ABCG1: variants seen among roughly 807,000 people sequenced by gnomAD.
ABCG1 encodes ATP-binding cassette sub-family G member 1.
A neutral mutation model predicts 69.2 loss-of-function variants in ABCG1; 29 were observed. That is an observed-to-expected ratio of 0.42 (90% CI 0.31 to 0.57). The LOEUF (loss-of-function observed/expected upper bound fraction) is 0.57. Ranked by LOEUF, ABCG1 falls within the 20% of genes least tolerant of loss-of-function variation. ABCG1 has a pLI of 0.15. For missense variants in ABCG1, 718 were observed against 898.1 expected (o/e 0.80, Z 2.56); for synonymous variants, 370 against 374.8 (o/e 0.99, Z 0.15).
Position 42,291,638 on chromosome 21 carries a change from C to G in ABCG1, c.1635C>G (p.Ala545=). 6.2e-7 allele frequency: 1 copy of G among 1,604,332 alleles called. No homozygotes were observed. Among genetic ancestry groups the G allele is most frequent in the Non-Finnish European group, 8.5e-7 (1 of 1,179,386 alleles). The stretch of plus-strand genomic sequence containing the variant: ...AGTCCCTGGGCCTGCTGATCGGAGC[C>G]GCCTCCACGTCCCTGCAGGTGCCAG... The part of the protein sequence containing the change: ...VAQSLGLLIG[A]ASTSLQVATF... Residue 545 remains alanine, a synonymous_variant, in exon 13 of 15, where the codon GCC becomes GCG. Transcript: ENST00000398449. The surrounding 1 kb of genome is among the most constrained non-coding windows in gnomAD (Gnocchi z 6.4).
chr21:42,288,169 C>T lies in ABCG1; in HGVS notation c.1123-42C>T, dbSNP rs199911169. 257 of 1,611,450 alleles carry T rather than the reference C, an allele frequency of 1.6e-4. No homozygotes were observed. In the African/African-American group the frequency reaches 3.0e-3, roughly 19 times the overall value. On this transcript the variant is annotated intron_variant, in intron 9 of 14. Coordinates refer to ENST00000398449, the MANE Select transcript of ABCG1 (RefSeq NM_016818.3). This position sits in a 1 kb window ranked among gnomAD's most constrained non-coding sequence, Gnocchi z 4.8. Reference sequence around the variant, plus strand: ...TCCGAGCAAGAAGGAGCCGTGGCTCCGGACTGGCTTTCACCCGCTCCCCTC... The same window carrying T: ...TCCGAGCAAGAAGGAGCCGTGGCTCTGGACTGGCTTTCACCCGCTCCCCTC...
chr21:42,293,943 C>T (rs940322766), intron 13 of ABCG1, among the ~76,000 whole-genome samples: 14 of 148,100 alleles, frequency 9.5e-5, no homozygotes, highest in South Asian at 8.6e-4. Flanking sequence ...CAGCAGACAC[C>T]GCCCACACCA....
intron 2 of ABCG1, among the ~76,000 whole-genome samples, chr21:42,249,245 G>A (rs2068182615): frequency 6.6e-6 from 1 of 152,060 alleles, no homozygotes; most frequent in African/African-American, 2.4e-5. Flanking sequence ...CCTGGGGTGT[G>A]TTGCTGAGAT....
upstream of ABCG1, among the ~76,000 whole-genome samples, chr21:42,211,836 C>A (rs1489830078): frequency 6.6e-6 from 1 of 152,012 alleles, no homozygotes; most frequent in East Asian, 1.9e-4. Context: ...CTGCAGTGGG[C>A]CGAGATTGTG....
intron 2 of ABCG1, among the ~76,000 whole-genome samples, chr21:42,236,200 C>T (rs866286306): frequency 5.3e-5 from 8 of 152,306 alleles, no homozygotes; most frequent in South Asian, 2.1e-4. Flanking sequence ...GGCTGGAATC[C>T]GGAGATCATG....
chr21:42,219,105 C>A (rs894494259), upstream of ABCG1: 1 of 611,316 alleles, frequency 1.6e-6, no homozygotes, highest in Non-Finnish European at 2.2e-6. This position sits in a 1 kb window ranked among gnomAD's most constrained non-coding sequence, Gnocchi z 5.3. Flanking sequence ...CGGGGTCGGG[C>A]GCGCTGGAAC....
rs766739495 is a variant in ABCG1, at chr21:42,271,255, C to T, written c.404+68C>T. 6.0e-6 allele frequency: 6 copies of T among 999,782 alleles called. No individual in the cohort carries two copies. In the South Asian group the frequency reaches 7.6e-5, roughly 13 times the overall value. The allele number at this position is 999,782 out of a possible 1,614,324, so 61.9% of individuals were successfully genotyped here. A position where few individuals can be genotyped will look rare whatever the true frequency, so the allele number is the denominator to read the frequency against. ...CAGGCCAGCAGTGGGAACAGTGGAGCTCCTTCCATCAGCCCCATCACCTGG... is the reference window on the plus strand; with the variant it reads ...CAGGCCAGCAGTGGGAACAGTGGAGTTCCTTCCATCAGCCCCATCACCTGG... On this transcript the variant is annotated intron_variant, in intron 3 of 14. Transcript: ENST00000398449.
chr21:42,291,398 G>A lies in ABCG1; in HGVS notation c.1495-100G>A. On this transcript the variant is annotated intron_variant, in intron 12 of 14. Transcript: ENST00000398449. This position sits in a 1 kb window ranked among gnomAD's most constrained non-coding sequence, Gnocchi z 6.4. ...GAAGGACCCGACTTTGGGAGCTCTG[G>A]CGGGAGCTGCGGGGAAGGGCTGGCT... The A allele has an allele frequency of 6.7e-7, 1 of 1,500,252 alleles. No homozygotes were observed. The highest frequency in any genetic ancestry group is 1.3e-5 in the South Asian group (1 of 79,484). The allele number at this position is 1,500,252 out of a possible 1,614,324, so 92.9% of individuals were successfully genotyped here. A position where few individuals can be genotyped will look rare whatever the true frequency, so the allele number is the denominator to read the frequency against.
chr21:42,263,280 G>C (rs1446033834), intron 2 of ABCG1, among the ~76,000 whole-genome samples: 2 of 152,188 alleles, frequency 1.3e-5, no homozygotes, highest in African/African-American at 4.8e-5. Context: ...CATGGGCAAA[G>C]GAATGTTGCC....
At chr21:42,248,511 TTC>T (rs1427103702) in intron 2 of ABCG1, among the ~76,000 whole-genome samples, 1 of 152,176 alleles carries the variant, frequency 6.6e-6, no homozygotes, top group Admixed American at 6.5e-5. Flanking sequence ...GCATTTTCAC[TTC>T]GACCTGAATA....
In ABCG1 at chr21:42,236,543, C is replaced by T. The variant is rs376507911; in HGVS notation, c.286+10629C>T. Among the ~76,000 whole-genome samples, 22 of 152,356 alleles carry T rather than the reference C, an allele frequency of 1.4e-4. 1 individual carries two copies. The highest frequency in any genetic ancestry group is 5.8e-4 in the East Asian group (3 of 5,194). On this transcript the variant is annotated intron_variant, in intron 2 of 14. Coordinates refer to ENST00000398449, the MANE Select transcript of ABCG1 (RefSeq NM_016818.3). ...GAAATGTTAAACATTGTCTTTCAGACGCTTTGCTCAACCTTTTGGGCTCCT... is the reference window on the plus strand; with the variant it reads ...GAAATGTTAAACATTGTCTTTCAGATGCTTTGCTCAACCTTTTGGGCTCCT...
At position 42,287,741 on chromosome 21, in the gene ABCG1, A is replaced by C; in HGVS notation, c.974-148A>C. On this transcript the variant is annotated intron_variant, in intron 8 of 14. Coordinates refer to ENST00000398449, the MANE Select transcript of ABCG1 (RefSeq NM_016818.3). This position sits in a 1 kb window ranked among gnomAD's most constrained non-coding sequence, Gnocchi z 6.2. Reference sequence around the variant, plus strand: ...TTGAGAGCCGCACGCTGGTTGATAAATGATTTTGACGTCATGCCATTAGCA... The same window carrying C: ...TTGAGAGCCGCACGCTGGTTGATAACTGATTTTGACGTCATGCCATTAGCA... The C allele has an allele frequency of 1.2e-6, 1 of 820,622 alleles. No individual in the cohort carries two copies. The highest frequency in any genetic ancestry group is 2.1e-5 in the South Asian group (1 of 47,360). 50.8% of individuals were successfully genotyped at this position (820,622 alleles called of 1,614,324 possible). A position where few individuals can be genotyped will look rare whatever the true frequency, so the allele number is the denominator to read the frequency against.
intron 2 of ABCG1, among the ~76,000 whole-genome samples, chr21:42,260,740 C>A (rs1222918991): frequency 6.6e-6 from 1 of 152,174 alleles, no homozygotes. Context: ...GAACAAGGAC[C>A]CAGAAAGCAA....
At chr21:42,222,308 C>T (rs1391239394) in intron 1 of ABCG1, among the ~76,000 whole-genome samples, 2 of 152,234 alleles carry the variant, frequency 1.3e-5, no homozygotes, top group Non-Finnish European at 2.9e-5. Flanking sequence ...AGGCCACTGC[C>T]TCGCATCACG....
At chr21:42,283,662 C>T (rs1287394227) in intron 6 of ABCG1, among the ~76,000 whole-genome samples, 3 of 139,316 alleles carry the variant, frequency 2.2e-5, no homozygotes, top group East Asian at 4.2e-4. Flanking sequence ...CCCCCCCCAC[C>T]CAAATGAGTG....
chr21:42,254,457 G>A (rs546834069), intron 2 of ABCG1, among the ~76,000 whole-genome samples: 18 of 152,152 alleles, frequency 1.2e-4, no homozygotes, highest in Admixed American at 7.2e-4. Context: ...AGCAGTTCTT[G>A]CCCCCTGTGA....
intron 2 of ABCG1, among the ~76,000 whole-genome samples, chr21:42,255,178 T>C (rs571839391): frequency 2.0e-5 from 3 of 152,382 alleles, no homozygotes; most frequent in East Asian, 1.9e-4. Flanking sequence ...TATATTTCAG[T>C]ACCTGCGCAG....
At chr21:42,252,123 G>A (rs1035553844) in intron 2 of ABCG1, among the ~76,000 whole-genome samples, 4 of 152,228 alleles carry the variant, frequency 2.6e-5, no homozygotes, top group East Asian at 1.9e-4. Flanking sequence ...GGTTTGATGA[G>A]AGCATCTGTG....
rs374835721 is a variant in ABCG1 at position 42,288,766 on chromosome 21, G to GAAGGA, written c.1224+467_1224+471dup. Among the ~76,000 whole-genome samples, 5,365 of 151,930 alleles carry GAAGGA rather than the reference G, an allele frequency of 0.035. 148 individuals carry two copies. Among genetic ancestry groups the GAAGGA allele is most frequent in the Middle Eastern group, 0.093 (27 of 290 alleles). On this transcript the variant is annotated intron_variant, in intron 10 of 14. Transcript: ENST00000398449. The surrounding 1 kb of genome is among the most constrained non-coding windows in gnomAD (Gnocchi z 4.8). ...GGGAAAGGGAGAAAGGAAGGGAAGG[G>GAAGGA]AAGGAAAGGAAAGGAAAAAAGAAAG...
Sources: allele counts gnomAD v4.1 joint callset (sites outside exome capture counted in the v4.1 genomes callset), GRCh38; gene constraint gnomAD v4.1.1; non-coding constraint Gnocchi (gnomAD v3.1); transcripts MANE v1.5; gene names NCBI Gene and HGNC (gene_info 2026-07-23, HGNC 2026-07-21).